PPP6R3: variants seen among roughly 807,000 people sequenced by gnomAD.
The protein encoded by PPP6R3 is protein phosphatase 6 regulatory subunit 3, also known as serine/threonine-protein phosphatase 6 regulatory subunit 3.
A neutral mutation model predicts 110.7 loss-of-function variants in PPP6R3; 38 were observed. The observed-to-expected ratio is 0.34, with a 90% confidence interval of 0.26 to 0.45. PPP6R3 has a LOEUF of 0.45. Among genes scored for constraint, PPP6R3 ranks in the 20% least tolerant of loss-of-function variants. PPP6R3 has a pLI of 1.00. For missense variants in PPP6R3, 870 were observed against 1,062.4 expected (o/e 0.82, Z 2.52); for synonymous variants, 369 against 373.5 (o/e 0.99, Z 0.14).
chr11:68,510,096 G>A (rs942817227), intron 1 of PPP6R3, among the ~76,000 whole-genome samples: 6 of 145,274 alleles, frequency 4.1e-5, no homozygotes, highest in Non-Finnish European at 9.0e-5. Flanking sequence ...GTAGAGGTGG[G>A]GGTCTCACCA....
At chr11:68,594,454 C>T (rs183417767) in intron 18 of PPP6R3, among the ~76,000 whole-genome samples, 24 of 152,142 alleles carry the variant, frequency 1.6e-4, no homozygotes, top group African/African-American at 4.8e-4. Flanking sequence ...CCCAGGAGTT[C>T]GAGACCAGCT....
chr11:68,535,192 T>C (rs1435952920), intron 2 of PPP6R3, among the ~76,000 whole-genome samples: 1 of 152,210 alleles, frequency 6.6e-6, no homozygotes, highest in Non-Finnish European at 1.5e-5. Context: ...ATGTGTTACA[T>C]TGCCCACTGG....
intron 1 of PPP6R3, among the ~76,000 whole-genome samples, chr11:68,503,484 C>T (rs1039734568): frequency 2.0e-5 from 3 of 152,142 alleles, no homozygotes; most frequent in Non-Finnish European, 2.9e-5. Context: ...AGGAGCAGCC[C>T]TCCAACTAGG....
intron 5 of PPP6R3, among the ~76,000 whole-genome samples, chr11:68,550,093 G>C (rs1227727613): frequency 6.6e-6 from 1 of 152,180 alleles, no homozygotes; most frequent in Non-Finnish European, 1.5e-5. Context: ...GAGCTTGTTA[G>C]AGATCTGTAA....
intron 1 of PPP6R3, among the ~76,000 whole-genome samples, chr11:68,489,626 G>T (rs573369840): frequency 3.7e-4 from 56 of 151,444 alleles, no homozygotes; most frequent in African/African-American, 1.3e-3. Context: ...ATTTGCCAGG[G>T]TATCAGCGCC....
rs901904441 is a variant in PPP6R3 at position 68,588,158 on chromosome 11, C to T, written c.1730+134C>T. ...AACCTGCTCTTTCCACGGTGTTCCT[C>T]TAGTTCCAGCAGATTGGCCCTGGGA... On this transcript the variant is annotated intron_variant, in intron 16 of 23. Coordinates refer to ENST00000393800, the MANE Select transcript of PPP6R3 (RefSeq NM_001164161.2). The T allele has an allele frequency of 3.8e-6, 3 of 781,516 alleles. No individual in the cohort carries two copies. In the African/African-American group the frequency reaches 5.2e-5, roughly 13 times the overall value. 48.4% of individuals were successfully genotyped at this position (781,516 alleles called of 1,614,324 possible).
intron 8 of PPP6R3, among the ~76,000 whole-genome samples, chr11:68,562,674 T>C (rs2099429543): frequency 6.6e-6 from 1 of 152,202 alleles, no homozygotes; most frequent in South Asian, 2.1e-4. Flanking sequence ...GACAGCGTTT[T>C]CAGTAAATCG....
Position 68,575,975 on chromosome 11 carries a change from A to G in PPP6R3, c.1477A>G (p.Arg493Gly). 6.2e-7 allele frequency: 1 copy of G among 1,611,260 alleles called. No homozygotes were observed. Among genetic ancestry groups the G allele is most frequent in the Non-Finnish European group, 8.5e-7 (1 of 1,177,924 alleles). Residue 493 changes from arginine (R) to glycine (G), a missense_variant, in exon 14 of 24, where the codon AGG (arginine) becomes GGG (glycine). Transcript: ENST00000393800. ...QLIKDLPDEV[R>G]ERWETFCTSS... ...CTCTGAAGATCTTCCCGACGAAGTC[A>G]GGGAACGATGGGAGACGTTCTGCAC... is the stretch of plus-strand genomic sequence containing the variant.
At chr11:68,594,268 GA>G (rs1307056290) in intron 18 of PPP6R3, among the ~76,000 whole-genome samples, 5 of 52,990 alleles carry the variant, frequency 9.4e-5, no homozygotes, top group Non-Finnish European at 1.6e-4. Flanking sequence ...AAAAGGGGGA[GA>G]GAGAGAGAGA....
At chr11:68,508,409 C>T (rs1343019743) in intron 1 of PPP6R3, among the ~76,000 whole-genome samples, 2 of 152,014 alleles carry the variant, frequency 1.3e-5, no homozygotes, top group African/African-American at 2.4e-5. Context: ...GGATTACAGG[C>T]GTGAGCCACC....
intron 1 of PPP6R3, among the ~76,000 whole-genome samples, chr11:68,478,362 TC>T (rs1565290265): frequency 6.6e-6 from 1 of 152,312 alleles, no homozygotes; most frequent in East Asian, 1.9e-4. Flanking sequence ...TTTTAAACCT[TC>T]CTGTGACTTG....
rs760837877 is a variant in PPP6R3 at position 68,551,087 on chromosome 11, A to G, written c.553-34A>G. On this transcript the variant is annotated intron_variant, in intron 5 of 23. Transcript: ENST00000393800. Reference sequence around the variant, plus strand: ...ATTGGGGCTTGAACAAGAGCCACTCATTGCTATGATTACTTCTACAATGTG... The same window carrying G: ...ATTGGGGCTTGAACAAGAGCCACTCGTTGCTATGATTACTTCTACAATGTG... The G allele has an allele frequency of 5.5e-6, 8 of 1,457,726 alleles. No individual in the cohort carries two copies. The African/African-American group carries it at 8.4e-5, about 15-fold the overall frequency. 90.3% of individuals were successfully genotyped at this position (1,457,726 alleles called of 1,614,324 possible).
At chr11:68,480,868 T>G (rs1287688592) in intron 1 of PPP6R3, among the ~76,000 whole-genome samples, 1 of 152,212 alleles carries the variant, frequency 6.6e-6, no homozygotes. Flanking sequence ...ATTTCAGGAA[T>G]TTCTTAGAGA....
At chr11:68,535,593 C>CTT (rs1057489438) in intron 2 of PPP6R3, 3 of 151,996 alleles carry the variant, frequency 2.0e-5, no homozygotes, top group Admixed American at 2.0e-4. Flanking sequence ...ACAAGGAAGA[C>CTT]TTTTATAACA....
At chr11:68,582,332 T>G (rs770767298) in intron 14 of PPP6R3, among the ~76,000 whole-genome samples, 2 of 152,266 alleles carry the variant, frequency 1.3e-5, no homozygotes, top group Non-Finnish European at 2.9e-5. Context: ...TTTCTAATTG[T>G]TAATGCTTCC....
At chr11:68,538,243 G>A (rs1221358019) in intron 3 of PPP6R3, among the ~76,000 whole-genome samples, 1 of 152,224 alleles carries the variant, frequency 6.6e-6, no homozygotes, top group Non-Finnish European at 1.5e-5. Flanking sequence ...GCAGATCTAA[G>A]TCAGAGCTTG....
chr11:68,533,726 AAAAG>A (rs1159411868), intron 2 of PPP6R3, among the ~76,000 whole-genome samples: 16 of 151,828 alleles, frequency 1.1e-4, no homozygotes, highest in African/African-American at 3.4e-4. Context: ...AAAAAAAAAA[AAAAG>A]GAATTAATCA....
chr11:68,486,127 A>C (rs1375813423), intron 1 of PPP6R3, among the ~76,000 whole-genome samples: 1 of 151,806 alleles, frequency 6.6e-6, no homozygotes, highest in East Asian at 1.9e-4. Flanking sequence ...GTGGTATATA[A>C]TTTTTTATAT....
intron 1 of PPP6R3, among the ~76,000 whole-genome samples, chr11:68,499,499 T>C (rs1248970478): frequency 6.6e-6 from 1 of 152,204 alleles, no homozygotes; most frequent in Non-Finnish European, 1.5e-5. Context: ...GCTATCATTT[T>C]TGTGACCTAG....
Sources: gnomAD v4.1 joint callset for allele counts (sites outside exome capture counted in the v4.1 genomes callset) on GRCh38, gnomAD v4.1.1 for gene constraint, MANE v1.5 for transcripts, NCBI Gene and HGNC (gene_info 2026-07-23, HGNC 2026-07-21) for gene names.